RAB3IP: variants seen among roughly 807,000 people sequenced by gnomAD.
The protein encoded by RAB3IP is rab-3A-interacting protein.
RAB3IP carries 36 observed loss-of-function variants against 59.1 expected under a neutral mutation model. That is an observed-to-expected ratio of 0.61 (90% confidence interval 0.47 to 0.80). The LOEUF is 0.80. Among genes scored for constraint, RAB3IP ranks in the 30% least tolerant of loss-of-function variants. RAB3IP has a pLI of 0.00. For missense variants in RAB3IP, 511 were observed against 536.0 expected (o/e 0.95, Z 0.46); for synonymous variants, 207 against 191.2 (o/e 1.08, Z -0.68).
Position 69,817,653 on chromosome 12 carries a change from T to TACACGCACACACAC in RAB3IP, c.*2211_*2212insGCACACACACACAC, listed in dbSNP as rs1881270952. 1 of 131,338 alleles carries TACACGCACACACAC rather than the reference T, an allele frequency of 7.6e-6. No homozygotes were observed. The highest frequency in any genetic ancestry group is 7.7e-5 in the Admixed American group (1 of 12,992). The allele number at this position is 131,338 out of a possible 1,614,324, so 8.1% of individuals were successfully genotyped here. A position where few individuals can be genotyped will look rare whatever the true frequency, so the allele number is the denominator to read the frequency against. On this transcript the variant is annotated 3_prime_UTR_variant, in exon 11 of 11. Transcript: ENST00000247833. ...CTGGGAAAAATAGGGAAACTCCATTTACACACACACACACACACACACACA... is the reference window on the plus strand; with the variant it reads ...CTGGGAAAAATAGGGAAACTCCATTTACACGCACACACACACACACACACACACACACACACACA...
chr12:69,810,715 GA>G (rs1211275697), intron 8 of RAB3IP, among the ~76,000 whole-genome samples: 1 of 152,160 alleles, frequency 6.6e-6, no homozygotes, highest in Non-Finnish European at 1.5e-5. Flanking sequence ...AAGGAGAAAG[GA>G]GTTAGAGATA....
intron 4 of RAB3IP, among the ~76,000 whole-genome samples, chr12:69,790,179 C>T (rs537848454): frequency 3.9e-5 from 6 of 152,112 alleles, no homozygotes; most frequent in African/African-American, 1.4e-4. Context: ...AAAGATTCAA[C>T]AACAAAAAAG....
intron 6 of RAB3IP, chr12:69,795,595 C>G: frequency 1.7e-6 from 1 of 580,418 alleles, no homozygotes; most frequent in Non-Finnish European, 3.1e-6. Flanking sequence ...AGGGAGGAAA[C>G]TGTCATGTGT....
At position 69,738,925 on chromosome 12, in the gene RAB3IP, CG is replaced by C. The variant is rs1886952101; in HGVS notation, c.-130del. ...GTGAGCCCGCCGCCGTGGAGTGTAG[CG>C]GAAAGGGCTCGCCGTCCTCCTCCGT... On this transcript the variant is annotated 5_prime_UTR_variant, in exon 1 of 11. Transcript: ENST00000247833. The C allele has an allele frequency of 6.6e-6, 1 of 152,042 alleles. No individual in the cohort carries two copies. Among genetic ancestry groups the C allele is most frequent in the Admixed American group, 6.6e-5 (1 of 15,266 alleles). 9.4% of individuals were successfully genotyped at this position (152,042 alleles called of 1,614,324 possible). A position where few individuals can be genotyped will look rare whatever the true frequency, so the allele number is the denominator to read the frequency against.
chr12:69,788,688 ACGCT>A (rs1876120032), intron 4 of RAB3IP, among the ~76,000 whole-genome samples: 4 of 152,118 alleles, frequency 2.6e-5, no homozygotes, highest in African/African-American at 7.2e-5. Context: ...GAACTGCATA[ACGCT>A]ATAGACCAAA....
At chr12:69,744,688 T>C (rs1186722507) in intron 1 of RAB3IP, among the ~76,000 whole-genome samples, 1 of 33,262 alleles carries the variant, frequency 3.0e-5, no homozygotes, top group African/African-American at 1.1e-4. Context: ...CGAGACTGCA[T>C]CTCAAAAAAA....
At chr12:69,768,992 G>A (rs1170591538) in intron 3 of RAB3IP, among the ~76,000 whole-genome samples, 1 of 152,046 alleles carries the variant, frequency 6.6e-6, no homozygotes, top group East Asian at 1.9e-4. Flanking sequence ...TTGAATCATG[G>A]GGTCAGGTCT....
chr12:69,810,882 T>G (rs61930185), intron 8 of RAB3IP, among the ~76,000 whole-genome samples: 16,363 of 152,192 alleles, frequency 0.11, 1,209 homozygotes, highest in Middle Eastern at 0.17. Flanking sequence ...TTATAGAGAT[T>G]TATTAATGTA....
chr12:69,779,560 T>A (rs1182584246), intron 3 of RAB3IP, among the ~76,000 whole-genome samples: 1 of 151,934 alleles, frequency 6.6e-6, no homozygotes, highest in African/African-American at 2.4e-5. Flanking sequence ...TTTTTTCTTC[T>A]CTACCTGTAT....
chr12:69,806,136 T>A (rs916082997), intron 8 of RAB3IP, among the ~76,000 whole-genome samples: 1 of 152,226 alleles, frequency 6.6e-6, no homozygotes. Flanking sequence ...TGGACTTTTT[T>A]TGGTTGGTAA....
At chr12:69,794,408 T>C (rs776102746) in intron 4 of RAB3IP, 29 bp from the exon 5 acceptor site, 4 of 1,574,336 alleles carry the variant, frequency 2.5e-6, no homozygotes, top group Non-Finnish European at 3.5e-6. Flanking sequence ...CTACTTTGTT[T>C]CTAAAATTTG....
chr12:69,792,430 C>T (rs1261255484), intron 4 of RAB3IP, among the ~76,000 whole-genome samples: 1 of 152,164 alleles, frequency 6.6e-6, no homozygotes, highest in Non-Finnish European at 1.5e-5. Context: ...TGGCTGCTTT[C>T]ATATTGCAAC....
chr12:69,743,484 C>T (rs1289685952), intron 1 of RAB3IP, among the ~76,000 whole-genome samples: 1 of 151,954 alleles, frequency 6.6e-6, no homozygotes, highest in Non-Finnish European at 1.5e-5. Flanking sequence ...TTTTTTCTTT[C>T]TTAGATCTTT....
chr12:69,802,828 G>A lies in RAB3IP; in HGVS notation c.1130+1107G>A, dbSNP rs531606401. 2.6e-5 allele frequency among the ~76,000 whole-genome samples: 4 copies of A among 152,310 alleles called. No homozygotes were observed. The South Asian group carries it at 8.3e-4, about 32-fold the overall frequency. On this transcript the variant is annotated intron_variant, in intron 8 of 10. Transcript: ENST00000247833. Reference sequence around the variant, plus strand: ...AATGTTGTTGTTTAGGTGACCATTTGTTGGAGGGTTCCTAGTCATATGTTT... The same window carrying A: ...AATGTTGTTGTTTAGGTGACCATTTATTGGAGGGTTCCTAGTCATATGTTT...
At chr12:69,746,828 GTTAAA>G (rs1470279617) in intron 1 of RAB3IP, among the ~76,000 whole-genome samples, 1 of 152,116 alleles carries the variant, frequency 6.6e-6, no homozygotes, top group African/African-American at 2.4e-5. Context: ...CATAATTCAT[GTTAAA>G]TTAAGAAGTC....
At chr12:69,742,695 A>G (rs531503137) in intron 1 of RAB3IP, among the ~76,000 whole-genome samples, 365 of 152,338 alleles carry the variant, frequency 2.4e-3, no homozygotes, top group African/African-American at 8.6e-3. Context: ...AGAAATTGAA[A>G]TGAACATTGA....
Position 69,767,204 on chromosome 12 carries a change from CTG to C in RAB3IP, c.510+10543_510+10544del, listed in dbSNP as rs144486581. On this transcript the variant is annotated intron_variant, in intron 3 of 10. Transcript: ENST00000247833. ...TCTTTTCCTCCCTATTGGGGTGTGA[CTG>C]TAGAGAATTCTGGGTAGGATCTTTT... Among the ~76,000 whole-genome samples the C allele has an allele frequency of 5.9e-3, 901 of 152,000 alleles. 10 individuals are homozygous for C. The highest frequency in any genetic ancestry group is 0.021 in the African/African-American group (859 of 41,406).
At chr12:69,786,314 T>G (rs948386198) in intron 4 of RAB3IP, among the ~76,000 whole-genome samples, 6 of 152,224 alleles carry the variant, frequency 3.9e-5, no homozygotes, top group Admixed American at 1.3e-4. Flanking sequence ...CATGTAGGGC[T>G]TTCCATGCCT....
In RAB3IP at chr12:69,807,849, G is replaced by A. The variant is rs867111640; in HGVS notation, c.1131-4929G>A. On this transcript the variant is annotated intron_variant, in intron 8 of 10. Coordinates refer to ENST00000247833, the MANE Select transcript of RAB3IP (RefSeq NM_022456.5). Reference sequence around the variant, plus strand: ...CCAGACGGGGCGGCCGTGCGGAGGCGCTCCTCACCTCCCAGACGGGGCGGC... The same window carrying A: ...CCAGACGGGGCGGCCGTGCGGAGGCACTCCTCACCTCCCAGACGGGGCGGC... Among the ~76,000 whole-genome samples the A allele has an allele frequency of 2.2e-3, 317 of 144,946 alleles. 1 individual carries two copies. The highest frequency in any genetic ancestry group is 0.012 in the Middle Eastern group (3 of 252).
Sources: allele counts gnomAD v4.1 joint callset (sites outside exome capture counted in the v4.1 genomes callset), GRCh38; gene constraint gnomAD v4.1.1; transcripts MANE v1.5; gene names NCBI Gene and HGNC (gene_info 2026-07-23, HGNC 2026-07-21).